GALR1: variants seen among roughly 807,000 people sequenced by gnomAD.
GALR1 encodes galanin receptor 1, also known as galanin receptor type 1.
Under a neutral mutation model 17.9 loss-of-function variants are expected in GALR1, and 11 were observed. The ratio of observed to expected loss-of-function variants is 0.62; its 90% CI spans 0.39 to 1.02. GALR1 has a LOEUF of 1.02. GALR1 is among the 50% of genes least tolerant of loss of function. GALR1 has a pLI of 0.01. For missense variants in GALR1, 441 were observed against 456.9 expected (o/e 0.97, Z 0.32); for synonymous variants, 206 against 205.7 (o/e 1.00, Z -0.01).
chr18:77,252,720 C>T (rs1198261063), intron 1 of GALR1, among the ~76,000 whole-genome samples: 2 of 151,844 alleles, frequency 1.3e-5, no homozygotes, highest in Non-Finnish European at 1.5e-5. Flanking sequence ...TGGTGGCGGG[C>T]CCCTGTAGTC....
intron 2 of GALR1, among the ~76,000 whole-genome samples, chr18:77,258,785 GTGGTGGTGGTGA>G (rs1448660927): frequency 1.5e-5 from 2 of 134,978 alleles, no homozygotes; most frequent in African/African-American, 5.8e-5. Context: ...GATGGTGGTG[GTGGTGGTGGTGA>G]TGGTGGTGGT....
At chr18:77,255,745 A>T (rs1359298480) in intron 1 of GALR1, among the ~76,000 whole-genome samples, 6 of 152,212 alleles carry the variant, frequency 3.9e-5, no homozygotes, top group African/African-American at 1.4e-4. Flanking sequence ...TGCATCCAGG[A>T]TCTAACTTTG....
chr18:77,260,452 C>G (rs79578930), intron 2 of GALR1, among the ~76,000 whole-genome samples: 8,324 of 152,238 alleles, frequency 0.055, 292 homozygotes, highest in Admixed American at 0.095. Flanking sequence ...GCACGGATCC[C>G]ATTATGAGGG....
At chr18:77,258,739 G>A (rs1912684008) in intron 2 of GALR1, among the ~76,000 whole-genome samples, 1 of 126,884 alleles carries the variant, frequency 7.9e-6, no homozygotes, top group Non-Finnish European at 1.7e-5. Context: ...TGATGGTGAT[G>A]ATGGTTATGG....
At chr18:77,268,518 C>G in intron 2 of GALR1, 67 bp from the exon 3 acceptor site, 15 of 1,019,718 alleles carry the variant, frequency 1.5e-5, no homozygotes, top group Non-Finnish European at 1.8e-5. Flanking sequence ...CAATGAATTT[C>G]CTTCCTTCTT....
intron 2 of GALR1, among the ~76,000 whole-genome samples, chr18:77,265,948 C>A (rs2144966320): frequency 6.6e-6 from 1 of 152,260 alleles, no homozygotes; most frequent in East Asian, 1.9e-4. Context: ...CTCTGATGTG[C>A]CCTGGAAACA....
At position 77,274,009 on chromosome 18, in the gene GALR1, C is replaced by T. The variant is rs535542039; in HGVS notation, c.*5107C>T. The T allele has an allele frequency of 3.3e-5, 5 of 152,166 alleles. No homozygotes were observed. The highest frequency in any genetic ancestry group is 6.6e-5 in the Admixed American group (1 of 15,266). 9.4% of individuals were successfully genotyped at this position (152,166 alleles called of 1,614,324 possible). A position where few individuals can be genotyped will look rare whatever the true frequency, so the allele number is the denominator to read the frequency against. ...TGATCGTTATGGTAACCCATGAACT[C>T]GGATGAATTTCGGGGCCTGCTGTGG... On this transcript the variant is annotated 3_prime_UTR_variant, in exon 3 of 3. Coordinates refer to ENST00000299727, the MANE Select transcript of GALR1 (RefSeq NM_001480.4).
intron 2 of GALR1, among the ~76,000 whole-genome samples, chr18:77,257,382 T>C (rs116274245): frequency 0.018 from 2,806 of 152,284 alleles, 78 homozygotes; most frequent in African/African-American, 0.064. Flanking sequence ...AACAAGACCA[T>C]GCTATGGCTT....
chr18:77,256,980 A>G (rs910234113), intron 2 of GALR1, among the ~76,000 whole-genome samples: 4 of 152,254 alleles, frequency 2.6e-5, no homozygotes, highest in Admixed American at 2.0e-4. Context: ...ATTAGGCAAT[A>G]TGACTAAGGA....
intron 1 of GALR1, among the ~76,000 whole-genome samples, chr18:77,252,971 TCACCACCATCACCACCATCACCAC>T (rs1912492541): frequency 8.6e-4 from 20 of 23,176 alleles, no homozygotes; most frequent in Admixed American, 3.0e-3. Flanking sequence ...ACCACCACCA[TCACCACCATCACCACCATCACCAC>T]CACCACCACC....
Position 77,251,036 on chromosome 18 carries a change from C to T in GALR1, c.488C>T (p.Ser163Phe), listed in dbSNP as rs1912396569. ...GGCGTGGGCTGCATCTGGGCGCTGT[C>T]CATTGCCATGGCCTCGCCCGTGGCC... is the stretch of plus-strand genomic sequence containing the variant. ...LLGVGCIWAL[S>F]IAMASPVAYH... The change falls in exon 1 of 3, where the codon TCC becomes TTC. Residue 163 changes from serine (S) to phenylalanine (F), a missense_variant. Coordinates refer to ENST00000299727, the MANE Select transcript of GALR1 (RefSeq NM_001480.4). 6.2e-7 allele frequency: 1 copy of T among 1,606,278 alleles called. No individual in the cohort carries two copies. Among genetic ancestry groups the T allele is most frequent in the African/African-American group, 1.3e-5 (1 of 74,922 alleles).
rs898577813 is a variant in GALR1, at chr18:77,273,190, C to A, written c.*4288C>A. ...ACATACCTTGGCAGGCCCTGGCTTTCGTTTCTCTGTGGTGCCTGGTGCTAC... is the reference window on the plus strand; with the variant it reads ...ACATACCTTGGCAGGCCCTGGCTTTAGTTTCTCTGTGGTGCCTGGTGCTAC... On this transcript the variant is annotated 3_prime_UTR_variant, in exon 3 of 3. Coordinates refer to ENST00000299727, the MANE Select transcript of GALR1 (RefSeq NM_001480.4). The A allele has an allele frequency of 6.6e-6, 1 of 152,260 alleles. No individual in the cohort carries two copies. The allele number at this position is 152,260 out of a possible 1,614,324, so 9.4% of individuals were successfully genotyped here.
At chr18:77,256,808 G>A (rs1912601907) in intron 2 of GALR1, among the ~76,000 whole-genome samples, 2 of 152,114 alleles carry the variant, frequency 1.3e-5, no homozygotes. Context: ...CCCCAGCCCC[G>A]ATTTAAACAA....
At chr18:77,259,242 G>A (rs1442990592) in intron 2 of GALR1, among the ~76,000 whole-genome samples, 1 of 105,460 alleles carries the variant, frequency 9.5e-6, no homozygotes, top group African/African-American at 3.9e-5. Flanking sequence ...GTGGATGGTG[G>A]TGGTGGTCAC....
rs1420234636 is a variant in GALR1, at chr18:77,258,920, G to C, written c.732+2697G>C. ...GATGGTGGTGGGCGGTAGTGGTGGT[G>C]ATGATGGTCATGGTGGTGATGATGG... On this transcript the variant is annotated intron_variant, in intron 2 of 2. Coordinates refer to ENST00000299727, the MANE Select transcript of GALR1 (RefSeq NM_001480.4). Among the ~76,000 whole-genome samples, 15 of 142,170 alleles carry C rather than the reference G, an allele frequency of 1.1e-4. No individual in the cohort carries two copies. The South Asian group carries it at 1.4e-3, about 13-fold the overall frequency. The allele number at this position is 142,170 out of a possible 152,430, so 93.3% of individuals were successfully genotyped here.
At chr18:77,252,904 A>T (rs1912469529) in intron 1 of GALR1, among the ~76,000 whole-genome samples, 1 of 64,218 alleles carries the variant, frequency 1.6e-5, no homozygotes, top group Non-Finnish European at 3.9e-5. Flanking sequence ...CATCACCACC[A>T]CCACCACCAC....
chr18:77,256,447 T>C (rs1912592160), intron 2 of GALR1, among the ~76,000 whole-genome samples: 1 of 151,936 alleles, frequency 6.6e-6, no homozygotes, highest in African/African-American at 2.4e-5. Flanking sequence ...TAGCTGAAGA[T>C]CTGGGGAGAT....
intron 1 of GALR1, among the ~76,000 whole-genome samples, chr18:77,251,464 G>A (rs1026440226): frequency 2.6e-5 from 4 of 152,224 alleles, no homozygotes; most frequent in African/African-American, 9.6e-5. Context: ...AGTTCACTTC[G>A]CATGGTCCAG....
rs917938039 is a variant in GALR1, at chr18:77,250,541, C to A, written c.-8C>A. 5.3e-6 allele frequency: 8 copies of A among 1,512,208 alleles called. No homozygotes were observed. The highest frequency in any genetic ancestry group is 2.2e-4 in the Middle Eastern group (1 of 4,570). The allele number at this position is 1,512,208 out of a possible 1,614,324, so 93.7% of individuals were successfully genotyped here. On this transcript the variant is annotated 5_prime_UTR_variant, in exon 1 of 3. Coordinates refer to ENST00000299727, the MANE Select transcript of GALR1 (RefSeq NM_001480.4). ...GCCCCGCCGCTCGCCGGGACAGCCC[C>A]GCGGGCCATGGAGCTGGCGGTCGGG...
Sources: allele counts gnomAD v4.1 joint callset (sites outside exome capture counted in the v4.1 genomes callset), GRCh38; gene constraint gnomAD v4.1.1; transcripts MANE v1.5; gene names NCBI Gene and HGNC (gene_info 2026-07-23, HGNC 2026-07-21).